Variants in IL22RA2 observed in about 807,000 individuals in gnomAD.
The protein encoded by IL22RA2 is interleukin-22 receptor subunit alpha-2.
A neutral mutation model predicts 30.7 loss-of-function variants in IL22RA2; 39 were observed. That is an observed-to-expected ratio of 1.27 (90% confidence interval 0.98 to 1.66). The LOEUF is 1.66. Ranked by LOEUF, IL22RA2 falls within the 40% of genes most tolerant of loss-of-function variation. The pLI is 0.00. For missense variants in IL22RA2, 315 were observed against 312.7 expected, an observed-to-expected ratio of 1.01 and a Z score of -0.05; for synonymous variants, 103 against 105.0, an observed-to-expected ratio of 0.98 and a Z score of 0.11.
chr6:137,150,480 A>ATTTTTTT (rs61381227), intron 5 of IL22RA2, among the ~76,000 whole-genome samples: 2 of 100,540 alleles, frequency 2.0e-5, no homozygotes, highest in Non-Finnish European at 4.0e-5. Flanking sequence ...TTCTTTTCTG[A>ATTTTTTT]TTTTTTTTTT....
At chr6:137,151,562 A>G (rs1778291710) in intron 5 of IL22RA2, among the ~76,000 whole-genome samples, 1 of 152,272 alleles carries the variant, frequency 6.6e-6, no homozygotes, top group Non-Finnish European at 1.5e-5. Context: ...ATTGGATTTC[A>G]TCCAAGTTTA....
In IL22RA2 at chr6:137,145,552, C is replaced by A; in HGVS notation, c.*72G>T. On this transcript the variant is annotated 3_prime_UTR_variant, in exon 7 of 7. Transcript: ENST00000296980. ...TACAAAAACAATTTTAAATAAGATC[C>A]TTCAAACACGAGTCATCCTGTTCTC... 1 of 1,388,748 alleles carries A rather than the reference C, an allele frequency of 7.2e-7. No homozygotes were observed. Among genetic ancestry groups the A allele is most frequent in the South Asian group, 1.4e-5 (1 of 71,588 alleles). The allele number at this position is 1,388,748 out of a possible 1,614,324, so 86.0% of individuals were successfully genotyped here. A position where few individuals can be genotyped will look rare whatever the true frequency, so the allele number is the denominator to read the frequency against.
rs1387179104 is a variant in IL22RA2 at position 137,144,746 on chromosome 6, G to A, written c.*878C>T. On this transcript the variant is annotated 3_prime_UTR_variant, in exon 7 of 7. Coordinates refer to ENST00000296980, the MANE Select transcript of IL22RA2 (RefSeq NM_052962.3). ...TCATGGGATCCTCCTATATAGAGAT[G>A]AGGAAGGCGCCACAAGCAAGACACT... 2.0e-5 allele frequency: 3 copies of A among 152,210 alleles called. No homozygotes were observed. Among genetic ancestry groups the A allele is most frequent in the Admixed American group, 6.5e-5 (1 of 15,278 alleles). 9.4% of individuals were successfully genotyped at this position (152,210 alleles called of 1,614,324 possible). A position where few individuals can be genotyped will look rare whatever the true frequency, so the allele number is the denominator to read the frequency against.
chr6:137,148,020 G>A lies in IL22RA2; in HGVS notation c.473-129C>T, dbSNP rs1582876547. On this transcript the variant is annotated intron_variant, in intron 5 of 6. Transcript: ENST00000296980. ...CCCAGGGAGGCCGAGGCTGCAGTGA[G>A]CTATGATCATGCCACTGCACTATAG... 10 of 772,498 alleles carry A rather than the reference G, an allele frequency of 1.3e-5. No individual in the cohort carries two copies. The East Asian group carries it at 2.3e-4, about 18-fold the overall frequency. 47.9% of individuals were successfully genotyped at this position (772,498 alleles called of 1,614,324 possible). A position where few individuals can be genotyped will look rare whatever the true frequency, so the allele number is the denominator to read the frequency against.
chr6:137,159,824 C>T (rs1006730815), intron 2 of IL22RA2, among the ~76,000 whole-genome samples: 1 of 152,176 alleles, frequency 6.6e-6, no homozygotes, highest in African/African-American at 2.4e-5. Context: ...CAAGTCTTTG[C>T]TCAAATGTAT....
chr6:137,172,786 G>C (rs1437608118), intron 1 of IL22RA2, among the ~76,000 whole-genome samples: 1 of 152,124 alleles, frequency 6.6e-6, no homozygotes, highest in Admixed American at 6.5e-5. Flanking sequence ...TCTTCTTGTG[G>C]CTTCCAGCAG....
intron 5 of IL22RA2, among the ~76,000 whole-genome samples, chr6:137,152,356 T>C (rs1453384333): frequency 6.6e-6 from 1 of 152,220 alleles, no homozygotes; most frequent in African/African-American, 2.4e-5. Context: ...AAATAATATG[T>C]GGTATATCCA....
At chr6:137,159,549 C>T (rs1778478767) in intron 2 of IL22RA2, among the ~76,000 whole-genome samples, 1 of 152,172 alleles carries the variant, frequency 6.6e-6, no homozygotes, top group Admixed American at 6.5e-5. Context: ...TCTCGAACTC[C>T]TGACCTCAAG....
rs145085186 is a variant in IL22RA2 at position 137,154,998 on chromosome 6, A to G, written c.415T>C (p.Ser139Pro). The G allele has an allele frequency of 1.2e-6, 2 of 1,614,062 alleles. No homozygotes were observed. Among genetic ancestry groups the G allele is most frequent in the Non-Finnish European group, 1.7e-6 (2 of 1,179,962 alleles). Residue 139 changes from serine (S) to proline (P), a missense_variant, in exon 5 of 7, where the codon TCG becomes CCG. By Grantham distance (74) the Ser-to-Pro change is moderately conservative. Coordinates refer to ENST00000296980, the MANE Select transcript of IL22RA2 (RefSeq NM_052962.3). ...CTCCATTCTGAGTAGCTCCCAGCCG[A>G]GGCCGCCCTCACCCTCCCGTAATAA... is the stretch of plus-strand genomic sequence containing the variant. ...EPYYGRVRAA[S>P]AGSYSEWSMT...
chr6:137,160,416 A>G (rs552969032), intron 2 of IL22RA2, among the ~76,000 whole-genome samples: 1 of 152,316 alleles, frequency 6.6e-6, no homozygotes, highest in African/African-American at 2.4e-5. Context: ...CACCTGAAGG[A>G]GATTGCCAGG....
Position 137,156,828 on chromosome 6 carries a change from G to C in IL22RA2, c.224C>G (p.Ser75Cys). ...KIMFSCSMKSSHQKPSGCWQH... is the reference protein window; with the variant it reads ...KIMFSCSMKSCHQKPSGCWQH... ...CCAGCATCCACTTGGCTTCTGGTGA[G>C]AGCTTTTCATGCTGCATGAGAACAT... Residue 75 changes from serine (S) to cysteine (C), a missense_variant, in exon 4 of 7, where the codon TCT becomes TGT. Coordinates refer to ENST00000296980, the MANE Select transcript of IL22RA2 (RefSeq NM_052962.3). 3 of 1,613,770 alleles carry C rather than the reference G, an allele frequency of 1.9e-6. No individual in the cohort carries two copies. The highest frequency in any genetic ancestry group is 2.5e-6 in the Non-Finnish European group (3 of 1,179,678).
intron 5 of IL22RA2, among the ~76,000 whole-genome samples, chr6:137,151,200 T>C (rs1778283731): frequency 6.6e-6 from 1 of 152,122 alleles, no homozygotes; most frequent in Non-Finnish European, 1.5e-5. Flanking sequence ...CAAAATAGTG[T>C]GGTATGGGCA....
chr6:137,159,568 C>T (rs1778479193), intron 2 of IL22RA2, among the ~76,000 whole-genome samples: 2 of 152,174 alleles, frequency 1.3e-5, no homozygotes, highest in South Asian at 4.1e-4. Context: ...AGTGATCCGC[C>T]CACCTCGGCC....
At chr6:137,151,205 TG>T (rs1354155186) in intron 5 of IL22RA2, among the ~76,000 whole-genome samples, 1 of 152,180 alleles carries the variant, frequency 6.6e-6, no homozygotes, top group African/African-American at 2.4e-5. Context: ...TAGTGTGGTA[TG>T]GGCACAATGA....
intron 4 of IL22RA2, 126 bp from the exon 5 acceptor site, chr6:137,155,245 C>T: frequency 1.6e-6 from 1 of 638,310 alleles, no homozygotes; most frequent in Non-Finnish European, 2.6e-6. Context: ...CTTATGGCTC[C>T]TCTTCAGAAT....
At chr6:137,169,578 C>T (rs564351031) in intron 1 of IL22RA2, among the ~76,000 whole-genome samples, 2 of 152,214 alleles carry the variant, frequency 1.3e-5, no homozygotes, top group East Asian at 3.9e-4. Flanking sequence ...TAAATACTAA[C>T]ATTAAAAAGG....
chr6:137,159,670 C>T lies in IL22RA2; in HGVS notation c.62-1188G>A, dbSNP rs553306095. Among the ~76,000 whole-genome samples, 7 of 152,250 alleles carry T rather than the reference C, an allele frequency of 4.6e-5. No individual in the cohort carries two copies. In the East Asian group the frequency reaches 5.8e-4, roughly 13 times the overall value. On this transcript the variant is annotated intron_variant, in intron 2 of 6. Transcript: ENST00000296980. ...TCCCTGACCTCATCTTCTGTCACCCCGACCCCTGTGTTTGCAGTGTTGACT... is the reference window on the plus strand; with the variant it reads ...TCCCTGACCTCATCTTCTGTCACCCTGACCCCTGTGTTTGCAGTGTTGACT...
At chr6:137,146,772 C>T (rs1778188676) in intron 6 of IL22RA2, among the ~76,000 whole-genome samples, 1 of 151,874 alleles carries the variant, frequency 6.6e-6, no homozygotes, top group Non-Finnish European at 1.5e-5. Context: ...GCAGGCAGAT[C>T]AGTTGATCCC....
intron 2 of IL22RA2, among the ~76,000 whole-genome samples, chr6:137,159,655 C>T (rs1778481404): frequency 6.6e-6 from 1 of 152,242 alleles, no homozygotes; most frequent in East Asian, 1.9e-4. Context: ...TCCCTGACCT[C>T]ATCTTCTGTC....
Sources: allele counts gnomAD v4.1 joint callset (sites outside exome capture counted in the v4.1 genomes callset), GRCh38; gene constraint gnomAD v4.1.1; transcripts MANE v1.5; gene names NCBI Gene and HGNC (gene_info 2026-07-23, HGNC 2026-07-21).